MS4A7: variants seen among roughly 807,000 people sequenced by gnomAD.
MS4A7 encodes the protein membrane spanning 4-domains A7, also known as membrane-spanning 4-domains subfamily A member 7.
In MS4A7, 21 loss-of-function variants were observed where a neutral mutation model predicts 23.5. The observed-to-expected ratio is 0.89, with a 90% CI of 0.63 to 1.29. The LOEUF is 1.29. Among genes scored for constraint, MS4A7 ranks in the 50% most tolerant of loss-of-function variants. The pLI, the probability that MS4A7 is intolerant of heterozygous loss-of-function variation, is 0.00. For missense variants in MS4A7, 263 were observed against 274.2 expected (o/e 0.96, Z 0.29); for synonymous variants, 111 against 107.4 (o/e 1.03, Z -0.21).
At position 60,392,393 on chromosome 11, in the gene MS4A7, T is replaced by C. The variant is rs147376225; in HGVS notation, c.547-292T>C. 5.0e-3 allele frequency among the ~76,000 whole-genome samples: 768 copies of C among 152,268 alleles called. 2 individuals are homozygous for C. Among genetic ancestry groups the C allele is most frequent in the African/African-American group, 0.017 (726 of 41,552 alleles). The stretch of plus-strand genomic sequence containing the variant: ...AAATACACACCTAGAAATATCATCA[T>C]GACAATAAAAACACCATAGTCAAAA... On this transcript the variant is annotated intron_variant, in intron 5 of 6. Coordinates refer to ENST00000300184, the MANE Select transcript of MS4A7 (RefSeq NM_021201.5).
At chr11:60,392,086 T>C (rs919824765) in intron 5 of MS4A7, among the ~76,000 whole-genome samples, 1 of 152,064 alleles carries the variant, frequency 6.6e-6, no homozygotes, top group African/African-American at 2.4e-5. Context: ...AGATTCAATA[T>C]ATTCAAGGAA....
In MS4A7 at chr11:60,393,984, G is replaced by T; in HGVS notation, c.*123G>T. On this transcript the variant is annotated 3_prime_UTR_variant, in exon 7 of 7. Transcript: ENST00000300184. The stretch of plus-strand genomic sequence containing the variant: ...ACAAACTAAAAAAAAAAAAGCTTTT[G>T]TTTTGTATTTGTTTACTATGAGTCG... 4 of 551,514 alleles carry T rather than the reference G, an allele frequency of 7.3e-6. No individual in the cohort carries two copies. The highest frequency in any genetic ancestry group is 3.9e-5 in the South Asian group (1 of 25,860). 34.2% of individuals were successfully genotyped at this position (551,514 alleles called of 1,614,324 possible).
intron 5 of MS4A7, among the ~76,000 whole-genome samples, chr11:60,391,977 G>GA (rs1393268264): frequency 2.1e-5 from 3 of 145,386 alleles, no homozygotes; most frequent in African/African-American, 5.1e-5. Flanking sequence ...GACAGTAAAG[G>GA]AAAAAAAAGA....
chr11:60,395,703 A>G lies in MS4A7; in HGVS notation c.*1842A>G, dbSNP rs377034877. The G allele has an allele frequency of 2.6e-5, 4 of 152,226 alleles. No homozygotes were observed. The highest frequency in any genetic ancestry group is 7.2e-5 in the African/African-American group (3 of 41,446). 9.4% of individuals were successfully genotyped at this position (152,226 alleles called of 1,614,324 possible). A position where few individuals can be genotyped will look rare whatever the true frequency, so the allele number is the denominator to read the frequency against. On this transcript the variant is annotated 3_prime_UTR_variant, in exon 7 of 7. Coordinates refer to ENST00000300184, the MANE Select transcript of MS4A7 (RefSeq NM_021201.5). Reference sequence around the variant, plus strand: ...TAAAGGGGCAACTCCATCTGGTCCTATAGCATCTTTACTACTGATTTTTTT... The same window carrying G: ...TAAAGGGGCAACTCCATCTGGTCCTGTAGCATCTTTACTACTGATTTTTTT...
chr11:60,386,723 A>G lies in MS4A7; in HGVS notation c.289A>G (p.Ile97Val), dbSNP rs370619830. The change falls in exon 4 of 7, where the codon ATT (isoleucine) becomes GTT (valine). Residue 97 changes from isoleucine (I) to valine (V), a missense_variant. Coordinates refer to ENST00000300184, the MANE Select transcript of MS4A7 (RefSeq NM_021201.5). ...TTCTCTCTCTTCTGGGCAGTTTGGC[A>G]TTACTGGATCCCTCTCAATTATCTC... The part of the protein sequence containing the change: ...YPFLGALCFG[I>V]TGSLSIISGK... The G allele has an allele frequency of 8.7e-6, 14 of 1,613,000 alleles. No individual in the cohort carries two copies. Among genetic ancestry groups the G allele is most frequent in the Admixed American group, 1.7e-5 (1 of 59,988 alleles).
At chr11:60,389,119 T>A (rs2085521190) in intron 4 of MS4A7, 2 of 411,138 alleles carry the variant, frequency 4.9e-6, no homozygotes, top group African/African-American at 4.0e-5. Flanking sequence ...CTATCTTGAG[T>A]GCTATAGAGA....
chr11:60,394,909 G>A lies in MS4A7; in HGVS notation c.*1048G>A, dbSNP rs558012769. The A allele has an allele frequency of 1.8e-4, 104 of 582,734 alleles. No homozygotes were observed. Among genetic ancestry groups the A allele is most frequent in the African/African-American group, 1.1e-3 (59 of 54,466 alleles). The allele number at this position is 582,734 out of a possible 1,614,324, so 36.1% of individuals were successfully genotyped here. A position where few individuals can be genotyped will look rare whatever the true frequency, so the allele number is the denominator to read the frequency against. On this transcript the variant is annotated 3_prime_UTR_variant, in exon 7 of 7. Coordinates refer to ENST00000300184, the MANE Select transcript of MS4A7 (RefSeq NM_021201.5). ...ATAAAATAAAAAAGAATATTCAGTC[G>A]TTGGCACATAAACTATGTTCTCTTC...
chr11:60,378,805 T>A (rs1163430408), intron 1 of MS4A7, 141 bp downstream of exon 1: 1 of 152,266 alleles, frequency 6.6e-6, no homozygotes, highest in Admixed American at 6.5e-5. Context: ...CCTTTTTGGG[T>A]CTCAGTTTAC....
In MS4A7 at chr11:60,395,027, G is replaced by C. The variant is rs894758602; in HGVS notation, c.*1166G>C. 14 of 602,692 alleles carry C rather than the reference G, an allele frequency of 2.3e-5. No homozygotes were observed. The highest frequency in any genetic ancestry group is 7.7e-5 in the Admixed American group (3 of 38,824). The allele number at this position is 602,692 out of a possible 1,614,324, so 37.3% of individuals were successfully genotyped here. A position where few individuals can be genotyped will look rare whatever the true frequency, so the allele number is the denominator to read the frequency against. On this transcript the variant is annotated 3_prime_UTR_variant, in exon 7 of 7. Coordinates refer to ENST00000300184, the MANE Select transcript of MS4A7 (RefSeq NM_021201.5). Reference sequence around the variant, plus strand: ...GCATGTTTTCTGCTTCTAGCTTGGAGCTAAATGCTGCTCATGCTGAAAAGA... The same window carrying C: ...GCATGTTTTCTGCTTCTAGCTTGGACCTAAATGCTGCTCATGCTGAAAAGA...
rs1372943107 is a variant in MS4A7, at chr11:60,394,830, A to T, written c.*969A>T. On this transcript the variant is annotated 3_prime_UTR_variant, in exon 7 of 7. Coordinates refer to ENST00000300184, the MANE Select transcript of MS4A7 (RefSeq NM_021201.5). ...AATAAATAAAAAAATAAATAAAAATAAAAATAGACTATATATAGTCTTTGA... is the reference window on the plus strand; with the variant it reads ...AATAAATAAAAAAATAAATAAAAATTAAAATAGACTATATATAGTCTTTGA... 2 of 393,782 alleles carry T rather than the reference A, an allele frequency of 5.1e-6. No individual in the cohort carries two copies. The highest frequency in any genetic ancestry group is 4.2e-5 in the African/African-American group (2 of 47,856). 24.4% of individuals were successfully genotyped at this position (393,782 alleles called of 1,614,324 possible). A position where few individuals can be genotyped will look rare whatever the true frequency, so the allele number is the denominator to read the frequency against.
In MS4A7 at chr11:60,393,776, G is replaced by T. The variant is rs764813811; in HGVS notation, c.649-11G>T. On this transcript the variant is annotated splice_polypyrimidine_tract_variant and intron_variant, in intron 6 of 6. Coordinates refer to ENST00000300184, the MANE Select transcript of MS4A7 (RefSeq NM_021201.5). ...AAGTTTAAAAATTCTAACCAATTATGTATTTTCTAGAGTTCATTTTCCTCG... is the reference window on the plus strand; with the variant it reads ...AAGTTTAAAAATTCTAACCAATTATTTATTTTCTAGAGTTCATTTTCCTCG... The T allele has an allele frequency of 3.8e-6, 6 of 1,592,280 alleles. No homozygotes were observed. The highest frequency in any genetic ancestry group is 5.1e-6 in the Non-Finnish European group (6 of 1,168,032).
rs955479447 is a variant in MS4A7, at chr11:60,383,022, G to A, written c.-13-107G>A. On this transcript the variant is annotated intron_variant, in intron 1 of 6. Transcript: ENST00000300184. ...TGTTTCTGAAGGACAACCAGCCTTG[G>A]AATAATGGCAAATACCTTCTTAAGT... 3.2e-6 allele frequency: 4 copies of A among 1,255,348 alleles called. No individual in the cohort carries two copies. In the African/African-American group the frequency reaches 6.0e-5, roughly 19 times the overall value. 77.8% of individuals were successfully genotyped at this position (1,255,348 alleles called of 1,614,324 possible).
intron 5 of MS4A7, among the ~76,000 whole-genome samples, chr11:60,392,290 A>C (rs1179179907): frequency 3.9e-5 from 6 of 152,134 alleles, no homozygotes; most frequent in Non-Finnish European, 8.8e-5. Context: ...AATAACTAGA[A>C]ATTTTTTAGA....
intron 4 of MS4A7, 161 bp from the exon 5 acceptor site, chr11:60,389,229 G>C: frequency 1.7e-6 from 1 of 599,524 alleles, no homozygotes; most frequent in South Asian, 2.1e-5. Context: ...ACTAAATAGC[G>C]ACAAGAGATA....
At chr11:60,392,662 G>C in intron 5 of MS4A7, 23 bp from the exon 6 acceptor site, 1 of 1,593,260 alleles carries the variant, frequency 6.3e-7, no homozygotes, top group Non-Finnish European at 8.6e-7. Flanking sequence ...TTGGGTACCA[G>C]CCATTCATGT....
intron 5 of MS4A7, among the ~76,000 whole-genome samples, chr11:60,390,180 C>G (rs1357978895): frequency 6.6e-6 from 1 of 152,150 alleles, no homozygotes; most frequent in Non-Finnish European, 1.5e-5. Context: ...TTTGGTCTAA[C>G]AGGGCTGACA....
At chr11:60,389,209 C>T in intron 4 of MS4A7, 181 bp from the exon 5 acceptor site, 1 of 589,376 alleles carries the variant, frequency 1.7e-6, no homozygotes, top group Non-Finnish European at 3.0e-6. Context: ...CTAATTATAT[C>T]ACATGATTAA....
At chr11:60,380,932 G>A (rs953308107) in intron 1 of MS4A7, among the ~76,000 whole-genome samples, 1 of 152,146 alleles carries the variant, frequency 6.6e-6, no homozygotes, top group Non-Finnish European at 1.5e-5. Context: ...GATGGCCTGT[G>A]CCCAAATCTT....
At position 60,393,842 on chromosome 11, in the gene MS4A7, C is replaced by A. The variant is rs1393313794; in HGVS notation, c.704C>A (p.Ser235Tyr). 1.2e-6 allele frequency: 2 copies of A among 1,610,720 alleles called. No individual in the cohort carries two copies. The highest frequency in any genetic ancestry group is 2.2e-5 in the East Asian group (1 of 44,562). The change falls in exon 7 of 7, where the codon TCT (serine) becomes TAT (tyrosine). Residue 235 changes from serine to tyrosine, a missense_variant. Coordinates refer to ENST00000300184, the MANE Select transcript of MS4A7 (RefSeq NM_021201.5). ...CATATCCAACAGGTCAAAAAGAGTTCTTCACGGTCTTGGATATAAGTAACT... is the reference window on the plus strand; with the variant it reads ...CATATCCAACAGGTCAAAAAGAGTTATTCACGGTCTTGGATATAAGTAACT... ...QDHIQQVKKSSSRSWI is the reference protein window; with the variant it reads ...QDHIQQVKKSYSRSWI
Sources: gnomAD v4.1 joint callset for allele counts (sites outside exome capture counted in the v4.1 genomes callset) on GRCh38, gnomAD v4.1.1 for gene constraint, MANE v1.5 for transcripts, NCBI Gene and HGNC (gene_info 2026-07-23, HGNC 2026-07-21) for gene names.